The following PGLYRP4 variants were observed in gnomAD, a reference collection of about 807,000 sequenced individuals.
The protein encoded by PGLYRP4 is PGRP-I-beta.
Under a neutral mutation model 41.2 loss-of-function variants are expected in PGLYRP4, and 39 were observed. The ratio of observed to expected loss-of-function variants is 0.95; its 90% CI spans 0.73 to 1.24. PGLYRP4 has a LOEUF of 1.24. Among genes scored for constraint, PGLYRP4 ranks in the 50% most tolerant of loss-of-function variants. The pLI, the probability that PGLYRP4 is intolerant of heterozygous loss-of-function variation, is 0.00. For missense variants in PGLYRP4, 467 were observed against 460.7 expected, an observed-to-expected ratio of 1.01 and a Z score of -0.13; for synonymous variants, 202 against 186.8, an observed-to-expected ratio of 1.08 and a Z score of -0.66.
In PGLYRP4 at chr1:153,345,331, T is replaced by C; in HGVS notation, c.191A>G (p.Glu64Gly). The change falls in exon 4 of 9, where the codon GAA (glutamate) becomes GGA (glycine). Residue 64 changes from glutamate (E) to glycine (G), a missense_variant. Physicochemically the swap from Glu to Gly is moderately conservative, Grantham distance 98. Transcript: ENST00000359650. ...CAGCTGAATACTGCAGCCAACAGCTTCTGCCCCCCATGCCTTGCGAGAGAC... is the reference window on the plus strand; with the variant it reads ...CAGCTGAATACTGCAGCCAACAGCTCCTGCCCCCCATGCCTTGCGAGAGAC... ...TTVSRKAWGA[E>G]AVGCSIQLTT... 1.9e-6 allele frequency: 3 copies of C among 1,614,170 alleles called. No individual in the cohort carries two copies. The highest frequency in any genetic ancestry group is 2.5e-6 in the Non-Finnish European group (3 of 1,180,018).
At chr1:153,347,667 T>C (rs1557833271) in intron 2 of PGLYRP4, among the ~76,000 whole-genome samples, 1 of 152,052 alleles carries the variant, frequency 6.6e-6, no homozygotes. Context: ...CCACCACCCC[T>C]GGCCAAGAGA....
intron 5 of PGLYRP4, among the ~76,000 whole-genome samples, chr1:153,342,014 T>G (rs1291269985): frequency 6.6e-6 from 1 of 151,972 alleles, no homozygotes; most frequent in African/African-American, 2.4e-5. Flanking sequence ...TCACCTCCTC[T>G]CTCCATGAAA....
chr1:153,333,562 C>G (rs1256998467), intron 8 of PGLYRP4, among the ~76,000 whole-genome samples: 1 of 152,124 alleles, frequency 6.6e-6, no homozygotes, highest in African/African-American at 2.4e-5. Context: ...TCCTCCCCAA[C>G]TCATCTACAA....
chr1:153,335,384 G>T (rs1466809105), intron 8 of PGLYRP4, among the ~76,000 whole-genome samples: 3 of 152,094 alleles, frequency 2.0e-5, no homozygotes, highest in African/African-American at 7.2e-5. Flanking sequence ...AGCAAAGGAT[G>T]TAGACAGACA....
intron 8 of PGLYRP4, among the ~76,000 whole-genome samples, chr1:153,336,110 C>T (rs551431314): frequency 6.6e-6 from 1 of 151,498 alleles, no homozygotes; most frequent in East Asian, 1.9e-4. Context: ...AAAATGAAAT[C>T]GTGGCATGGT....
chr1:153,339,443 T>A (rs767342273), intron 7 of PGLYRP4, among the ~76,000 whole-genome samples: 73 of 152,272 alleles, frequency 4.8e-4, no homozygotes, highest in South Asian at 6.2e-4. Context: ...TACCAAGCAA[T>A]GGTAAATTCA....
In PGLYRP4 at chr1:153,330,712, C is replaced by A; in HGVS notation, c.*55G>T. On this transcript the variant is annotated 3_prime_UTR_variant, in exon 9 of 9. Transcript: ENST00000359650. Reference sequence around the variant, plus strand: ...GTTGAGCCAAGCTGGATGGTTAGGACAGGAGAGACCTGACAGGGGAGGGAA... The same window carrying A: ...GTTGAGCCAAGCTGGATGGTTAGGAAAGGAGAGACCTGACAGGGGAGGGAA... The A allele has an allele frequency of 6.6e-7, 1 of 1,508,372 alleles. No individual in the cohort carries two copies. Among genetic ancestry groups the A allele is most frequent in the Non-Finnish European group, 9.1e-7 (1 of 1,093,316 alleles). 93.4% of individuals were successfully genotyped at this position (1,508,372 alleles called of 1,614,324 possible).
At chr1:153,348,256 A>C (rs1661100107) in intron 1 of PGLYRP4, among the ~76,000 whole-genome samples, 1 of 152,188 alleles carries the variant, frequency 6.6e-6, no homozygotes, top group African/African-American at 2.4e-5. Context: ...CCTCACACTA[A>C]TCCTGTCATG....
At chr1:153,339,464 A>G (rs1660703452) in intron 7 of PGLYRP4, among the ~76,000 whole-genome samples, 1 of 152,222 alleles carries the variant, frequency 6.6e-6, no homozygotes, top group Non-Finnish European at 1.5e-5. Context: ...TCGCTAAGCC[A>G]TAAATGGCCC....
In PGLYRP4 at chr1:153,337,121, T is replaced by A; in HGVS notation, c.943+60A>T. The A allele has an allele frequency of 2.5e-6, 3 of 1,183,798 alleles. No homozygotes were observed. The East Asian group carries it at 7.0e-5, about 28-fold the overall frequency. 73.3% of individuals were successfully genotyped at this position (1,183,798 alleles called of 1,614,324 possible). On this transcript the variant is annotated intron_variant, in intron 8 of 8. Transcript: ENST00000359650. ...CTTGAGACTGAGACTTTGTCTTCCA[T>A]GTCAGATGCTCTCTTTCAAATACCA...
rs1395014776 is a variant in PGLYRP4, at chr1:153,330,158, A to G, written c.*609T>C. 6.6e-6 allele frequency: 1 copy of G among 152,228 alleles called. No homozygotes were observed. Among genetic ancestry groups the G allele is most frequent in the Non-Finnish European group, 1.5e-5 (1 of 68,046 alleles). 9.4% of individuals were successfully genotyped at this position (152,228 alleles called of 1,614,324 possible). A position where few individuals can be genotyped will look rare whatever the true frequency, so the allele number is the denominator to read the frequency against. On this transcript the variant is annotated 3_prime_UTR_variant, in exon 9 of 9. Coordinates refer to ENST00000359650, the MANE Select transcript of PGLYRP4 (RefSeq NM_020393.4). ...ATTCATTTATTCATCCATTTCTCTA[A>G]TAAACATCAGTAGAACCCATTAAAT... is the stretch of plus-strand genomic sequence containing the variant.
At chr1:153,347,312 T>A (rs1404042423) in intron 2 of PGLYRP4, among the ~76,000 whole-genome samples, 1 of 152,006 alleles carries the variant, frequency 6.6e-6, no homozygotes, top group Non-Finnish European at 1.5e-5. Context: ...GTGCTGGGAT[T>A]AGAGGCGTGA....
chr1:153,334,408 GAT>G (rs1049905442), intron 8 of PGLYRP4, among the ~76,000 whole-genome samples: 12 of 146,064 alleles, frequency 8.2e-5, no homozygotes, highest in Admixed American at 2.1e-4. Context: ...ATGTATTCCT[GAT>G]ATATATATAT....
chr1:153,335,481 A>T (rs1218913616), intron 8 of PGLYRP4, among the ~76,000 whole-genome samples: 1 of 151,704 alleles, frequency 6.6e-6, no homozygotes, highest in East Asian at 1.9e-4. Context: ...AATTAAAATC[A>T]CAATGAGATA....
At position 153,345,401 on chromosome 1, in the gene PGLYRP4, C is replaced by T. The variant is rs200402615; in HGVS notation, c.140-19G>A. The T allele has an allele frequency of 3.3e-5, 53 of 1,604,024 alleles. No individual in the cohort carries two copies. The highest frequency in any genetic ancestry group is 5.0e-5 in the Admixed American group (3 of 59,978). ...GGAAGGCCTTGGGGACGTCACTCAG[C>T]GCACCTGCCCCATCACTACCGCATT... On this transcript the variant is annotated intron_variant, in intron 3 of 8. Coordinates refer to ENST00000359650, the MANE Select transcript of PGLYRP4 (RefSeq NM_020393.4).
chr1:153,346,158 T>C lies in PGLYRP4; in HGVS notation c.83A>G (p.Gln28Arg). 1 of 1,614,122 alleles carries C rather than the reference T, an allele frequency of 6.2e-7. No homozygotes were observed. Among genetic ancestry groups the C allele is most frequent in the Non-Finnish European group, 8.5e-7 (1 of 1,179,926 alleles). ...DSSWNKTQAK[Q>R]VSEGLQYLFE... ...TAGGTACTGGAGCCCCTCTGATACCTGTTTAGCTTGTGTTTTGTTCCAGGA... is the reference window on the plus strand; with the variant it reads ...TAGGTACTGGAGCCCCTCTGATACCCGTTTAGCTTGTGTTTTGTTCCAGGA... The change falls in exon 3 of 9, where the codon CAG becomes CGG. Residue 28 changes from glutamine (Q) to arginine (R), a missense_variant. Physicochemically the swap from Gln to Arg is conservative, Grantham distance 43 (BLOSUM62 1). Coordinates refer to ENST00000359650, the MANE Select transcript of PGLYRP4 (RefSeq NM_020393.4).
intron 1 of PGLYRP4, among the ~76,000 whole-genome samples, 189 bp from the exon 2 acceptor site, chr1:153,348,167 C>T (rs1052397876): frequency 6.6e-6 from 1 of 152,154 alleles, no homozygotes; most frequent in East Asian, 1.9e-4. Context: ...TATTATTACC[C>T]GAGGAACTCA....
chr1:153,345,336 C>A lies in PGLYRP4; in HGVS notation c.186G>T (p.Gly62=). The A allele has an allele frequency of 6.2e-7, 1 of 1,614,174 alleles. No individual in the cohort carries two copies. The highest frequency in any genetic ancestry group is 8.5e-7 in the Non-Finnish European group (1 of 1,180,030). Residue 62 remains glycine (G), a synonymous_variant, in exon 4 of 9, where the codon GGG becomes GGT. Transcript: ENST00000359650. ...GAATACTGCAGCCAACAGCTTCTGC[C>A]CCCCATGCCTTGCGAGAGACCGTGG... ...VSTTVSRKAW[G]AEAVGCSIQL...
At position 153,338,832 on chromosome 1, in the gene PGLYRP4, C is replaced by T. The variant is rs575252931; in HGVS notation, c.825-1533G>A. On this transcript the variant is annotated intron_variant, in intron 7 of 8. Coordinates refer to ENST00000359650, the MANE Select transcript of PGLYRP4 (RefSeq NM_020393.4). ...GCATCCTAAACCTCCCGTCTACCCTCCATGTGTCCCCTATAATAATGTTTA... is the reference window on the plus strand; with the variant it reads ...GCATCCTAAACCTCCCGTCTACCCTTCATGTGTCCCCTATAATAATGTTTA... Among the ~76,000 whole-genome samples the T allele has an allele frequency of 1.4e-4, 21 of 152,318 alleles. No homozygotes were observed. In the South Asian group the frequency reaches 4.1e-3, roughly 30 times the overall value.
Sources: gnomAD v4.1 joint callset for allele counts (sites outside exome capture counted in the v4.1 genomes callset) on GRCh38, gnomAD v4.1.1 for gene constraint, MANE v1.5 for transcripts, NCBI Gene and HGNC (gene_info 2026-07-23, HGNC 2026-07-21) for gene names.